Variants in CEP112 observed in about 807,000 individuals in gnomAD.
CEP112 encodes centrosomal protein 112.
Under a neutral mutation model 153.0 loss-of-function variants are expected in CEP112, and 127 were observed. That is an observed-to-expected ratio of 0.83 (90% confidence interval 0.72 to 0.96). The LOEUF is 0.96. CEP112 is among the 40% of genes least tolerant of loss of function. CEP112 has a pLI of 0.00. For synonymous variants in CEP112, 358 were observed against 374.4 expected, an observed-to-expected ratio of 0.96 and a Z score of 0.51; for missense variants, 1,089 against 1,101.2, an observed-to-expected ratio of 0.99 and a Z score of 0.16.
intron 4 of CEP112, among the ~76,000 whole-genome samples, chr17:66,157,760 T>A (rs1486433069): frequency 2.0e-5 from 3 of 149,822 alleles, no homozygotes; most frequent in African/African-American, 7.3e-5. Flanking sequence ...AAAACAGACT[T>A]TAAAGCAACA....
At chr17:65,788,655 A>G (rs190269843) in intron 21 of CEP112, among the ~76,000 whole-genome samples, 6 of 152,212 alleles carry the variant, frequency 3.9e-5, no homozygotes, top group African/African-American at 1.4e-4. Context: ...CAGATTTTCA[A>G]TTTTATTGGC....
intron 19 of CEP112, among the ~76,000 whole-genome samples, chr17:65,924,448 GAAC>G (rs1006254872): frequency 2.6e-5 from 4 of 151,756 alleles, no homozygotes; most frequent in African/African-American, 9.7e-5. Flanking sequence ...AGTTTTTTTG[GAAC>G]AATAGAACAT....
At chr17:65,992,477 C>T (rs1360329128) in intron 17 of CEP112, among the ~76,000 whole-genome samples, 1 of 152,104 alleles carries the variant, frequency 6.6e-6, no homozygotes, top group East Asian at 1.9e-4. Flanking sequence ...AGAAAGGCCT[C>T]CAATAACTCC....
intron 24 of CEP112, among the ~76,000 whole-genome samples, chr17:65,681,064 A>C (rs1340746991): frequency 1.3e-5 from 2 of 152,220 alleles, no homozygotes; most frequent in Admixed American, 1.3e-4. Flanking sequence ...CTGCAAAGGC[A>C]CAGATAGATA....
At chr17:65,816,428 C>T (rs2056267553) in intron 21 of CEP112, among the ~76,000 whole-genome samples, 1 of 151,704 alleles carries the variant, frequency 6.6e-6, no homozygotes, top group African/African-American at 2.4e-5. Context: ...AGTCTTTTAT[C>T]CCCCACCCCC....
intron 22 of CEP112, among the ~76,000 whole-genome samples, chr17:65,745,100 A>G (rs1250822197): frequency 3.9e-5 from 6 of 152,262 alleles, no homozygotes; most frequent in Non-Finnish European, 8.8e-5. Flanking sequence ...TACTACTGAC[A>G]TAAATAATAG....
intron 24 of CEP112, among the ~76,000 whole-genome samples, chr17:65,680,279 G>C (rs1478589092): frequency 6.6e-6 from 1 of 152,144 alleles, no homozygotes. Context: ...AATGATAAAA[G>C]AATATCTTTA....
intron 4 of CEP112, among the ~76,000 whole-genome samples, chr17:66,161,831 TA>T (rs893736534): frequency 6.7e-6 from 1 of 150,008 alleles, no homozygotes; most frequent in African/African-American, 2.5e-5. Context: ...TAAAGTATAT[TA>T]AAAAAAAGAA....
rs573970850 is a variant in CEP112 at position 65,826,713 on chromosome 17, A to T, written c.2394+25091T>A. Among the ~76,000 whole-genome samples, 48 of 152,352 alleles carry T rather than the reference A, an allele frequency of 3.2e-4. 1 individual carries two copies. The highest frequency in any genetic ancestry group is 3.4e-3 in the Middle Eastern group (1 of 294). On this transcript the variant is annotated intron_variant, in intron 21 of 26. Transcript: ENST00000535342. Reference sequence around the variant, plus strand: ...TCAGCTTACAAAGTGCATAATAGAGAACATTTCGAAATACAGAAAAATACA... The same window carrying T: ...TCAGCTTACAAAGTGCATAATAGAGTACATTTCGAAATACAGAAAAATACA...
intron 13 of CEP112, 84 bp from the exon 14 acceptor site, chr17:66,029,336 T>C: frequency 9.0e-7 from 1 of 1,115,886 alleles, no homozygotes; most frequent in Non-Finnish European, 1.3e-6. Context: ...TAAATCCAAA[T>C]ACATTTCCAT....
intron 1 of CEP112, among the ~76,000 whole-genome samples, chr17:66,190,019 G>A (rs2073104064): frequency 6.6e-6 from 1 of 150,864 alleles, no homozygotes; most frequent in Admixed American, 6.6e-5. Flanking sequence ...GCAATAAAGT[G>A]AGACCCTGTC....
chr17:65,985,533 T>C (rs965873260), intron 17 of CEP112, among the ~76,000 whole-genome samples: 3 of 152,116 alleles, frequency 2.0e-5, no homozygotes, highest in Non-Finnish European at 4.4e-5. Flanking sequence ...CATGAACAAA[T>C]GGTGCCAGGA....
At chr17:65,655,955 C>T (rs367548112) in intron 24 of CEP112, among the ~76,000 whole-genome samples, 18 of 152,152 alleles carry the variant, frequency 1.2e-4, no homozygotes, top group Non-Finnish European at 2.4e-4. Flanking sequence ...ACACATGTAG[C>T]GGAGATTTTA....
intron 4 of CEP112, among the ~76,000 whole-genome samples, chr17:66,156,061 G>A (rs1414693310): frequency 6.6e-6 from 1 of 152,166 alleles, no homozygotes; most frequent in African/African-American, 2.4e-5. Context: ...CCTCAAGTGG[G>A]TCCCTGACTC....
intron 18 of CEP112, among the ~76,000 whole-genome samples, chr17:65,930,315 G>T (rs1013924476): frequency 6.6e-6 from 1 of 152,150 alleles, no homozygotes; most frequent in African/African-American, 2.4e-5. Flanking sequence ...CATTTATTCA[G>T]ACATGATTAG....
rs146520466 is a variant in CEP112, at chr17:66,049,468, G to A, written c.1218+4268C>T. ...GCTTAATTAATAAAGAGTCAAATGA[G>A]GCCAGCTGCAGTGGTGCACACCTGT... On this transcript the variant is annotated intron_variant, in intron 12 of 26. Coordinates refer to ENST00000535342, the MANE Select transcript of CEP112 (RefSeq NM_001199165.4). 2.5e-3 allele frequency among the ~76,000 whole-genome samples: 384 copies of A among 152,256 alleles called. 1 individual carries two copies. Among genetic ancestry groups the A allele is most frequent in the African/African-American group, 8.0e-3 (333 of 41,538 alleles).
Position 66,138,616 on chromosome 17 carries a change from T to C in CEP112, c.471-5853A>G, listed in dbSNP as rs1038811061. Among the ~76,000 whole-genome samples, 8 of 152,288 alleles carry C rather than the reference T, an allele frequency of 5.3e-5. No individual in the cohort carries two copies. The South Asian group carries it at 1.4e-3, about 28-fold the overall frequency. On this transcript the variant is annotated intron_variant, in intron 4 of 26. Transcript: ENST00000535342. Reference sequence around the variant, plus strand: ...GAATTTTTTAATGCAATCGAAGTTATCAGCTTAAAATAGGTTGTTACAACT... The same window carrying C: ...GAATTTTTTAATGCAATCGAAGTTACCAGCTTAAAATAGGTTGTTACAACT...
intron 23 of CEP112, 148 bp downstream of exon 23, chr17:65,742,920 C>T: frequency 1.7e-6 from 1 of 585,398 alleles, no homozygotes; most frequent in Non-Finnish European, 2.8e-6. Flanking sequence ...CTGGATACAT[C>T]AAAGGTAGAG....
chr17:65,699,442 C>A (rs2048513626), intron 23 of CEP112, among the ~76,000 whole-genome samples: 1 of 152,174 alleles, frequency 6.6e-6, no homozygotes, highest in Admixed American at 6.5e-5. Context: ...CCTCGAGTGT[C>A]AGAAGTGGCC....
Sources: allele counts gnomAD v4.1 joint callset (sites outside exome capture counted in the v4.1 genomes callset), GRCh38; gene constraint gnomAD v4.1.1; transcripts MANE v1.5; gene names NCBI Gene and HGNC (gene_info 2026-07-23, HGNC 2026-07-21).